EYS: variants seen among roughly 807,000 people sequenced by gnomAD.
The protein encoded by EYS is protein eyes shut homolog.
Under a neutral mutation model 282.1 loss-of-function variants are expected in EYS, and 250 were observed. That is an observed-to-expected ratio of 0.89 (90% CI 0.80 to 0.98). The LOEUF (loss-of-function observed/expected upper bound fraction) is 0.98, where lower values mean the gene tolerates loss of function less well. Ranked by LOEUF, EYS falls within the 50% of genes least tolerant of loss-of-function variation. The pLI is 0.00. For synonymous variants in EYS, 1,355 were observed against 1,282.9 expected (o/e 1.06, Z -1.20); for missense variants, 4,016 against 3,709.0 (o/e 1.08, Z -2.15).
At chr6:64,497,813 A>C (rs1192156469) in intron 26 of EYS, among the ~76,000 whole-genome samples, 1 of 152,166 alleles carries the variant, frequency 6.6e-6, no homozygotes, top group Non-Finnish European at 1.5e-5. Flanking sequence ...AATCTTGGTA[A>C]CTATCTTGAC....
At chr6:65,152,350 C>G (rs1327259469) in intron 12 of EYS, among the ~76,000 whole-genome samples, 1 of 151,898 alleles carries the variant, frequency 6.6e-6, no homozygotes, top group African/African-American at 2.4e-5. Flanking sequence ...GCTCTAACCC[C>G]TAGTACCTCA....
chr6:64,947,910 C>A (rs1769344818), intron 14 of EYS, among the ~76,000 whole-genome samples: 1 of 151,628 alleles, frequency 6.6e-6, no homozygotes, highest in Non-Finnish European at 1.5e-5. Flanking sequence ...TATGTAAAGA[C>A]AAATGCATAA....
intron 12 of EYS, among the ~76,000 whole-genome samples, chr6:65,254,799 G>C (rs1767416602): frequency 6.6e-6 from 1 of 151,772 alleles, no homozygotes; most frequent in Non-Finnish European, 1.5e-5. Context: ...AATTTAAAAT[G>C]ATACACAAAA....
chr6:64,503,248 C>T (rs1777108127), intron 26 of EYS, among the ~76,000 whole-genome samples: 1 of 152,132 alleles, frequency 6.6e-6, no homozygotes, highest in South Asian at 2.1e-4. Context: ...CTGGCAGGTA[C>T]ACTAGCCAGT....
At chr6:64,195,455 A>G (rs1765256208) in intron 31 of EYS, among the ~76,000 whole-genome samples, 1 of 152,146 alleles carries the variant, frequency 6.6e-6, no homozygotes, top group South Asian at 2.1e-4. Context: ...GGCACGTGCC[A>G]CCATGCCCTG....
intron 24 of EYS, among the ~76,000 whole-genome samples, chr6:64,602,085 TCTGACTA>T (rs1175001784): frequency 6.6e-6 from 1 of 152,082 alleles, no homozygotes. Flanking sequence ...TTCTTTTCCT[TCTGACTA>T]CTATAGTTTG....
chr6:65,230,119 C>T (rs920934136), intron 12 of EYS, among the ~76,000 whole-genome samples: 2 of 151,880 alleles, frequency 1.3e-5, no homozygotes, highest in African/African-American at 4.8e-5. Context: ...TAGAATCCAT[C>T]ACAGACAGCT....
At chr6:65,141,447 C>A (rs1284189681) in intron 12 of EYS, among the ~76,000 whole-genome samples, 1 of 151,780 alleles carries the variant, frequency 6.6e-6, no homozygotes, top group South Asian at 2.1e-4. Context: ...ACATATGTAA[C>A]TAACCTGCAC....
At chr6:65,593,539 G>A (rs541058949) in intron 2 of EYS, among the ~76,000 whole-genome samples, 1 of 151,858 alleles carries the variant, frequency 6.6e-6, no homozygotes, top group Non-Finnish European at 1.5e-5. Flanking sequence ...AATTGGATGG[G>A]GCCAGAATGT....
At chr6:64,533,729 T>C (rs1212169363) in intron 26 of EYS, among the ~76,000 whole-genome samples, 2 of 151,734 alleles carry the variant, frequency 1.3e-5, no homozygotes, top group Non-Finnish European at 2.9e-5. Context: ...CAGACAAAAA[T>C]CCAGAACTCC....
At chr6:64,496,421 T>G (rs1164996993) in intron 26 of EYS, among the ~76,000 whole-genome samples, 1 of 152,022 alleles carries the variant, frequency 6.6e-6, no homozygotes, top group Non-Finnish European at 1.5e-5. Context: ...TAGTAGTTAA[T>G]TTTTAAGGCA....
intron 22 of EYS, among the ~76,000 whole-genome samples, chr6:64,705,494 A>AATCCAAAAAAT (rs1770972708): frequency 6.6e-6 from 1 of 152,038 alleles, no homozygotes; most frequent in Admixed American, 6.6e-5. Flanking sequence ...TTCATATGGA[A>AATCCAAAAAAT]CCAAAAAAAA....
intron 31 of EYS, among the ~76,000 whole-genome samples, chr6:64,200,114 G>A (rs1183161601): frequency 1.3e-5 from 2 of 152,148 alleles, no homozygotes; most frequent in East Asian, 3.8e-4. Flanking sequence ...CTATATGAGA[G>A]ACTGGAAAAG....
At chr6:63,734,679 G>A (rs183016200) in intron 41 of EYS, among the ~76,000 whole-genome samples, 51 of 152,224 alleles carry the variant, frequency 3.4e-4, no homozygotes, top group African/African-American at 1.2e-3. Flanking sequence ...TTTGTCCTGA[G>A]AAACTAGAAG....
intron 31 of EYS, among the ~76,000 whole-genome samples, chr6:64,182,870 G>A (rs1270086769): frequency 6.6e-6 from 1 of 152,018 alleles, no homozygotes; most frequent in Admixed American, 6.5e-5. Flanking sequence ...CCTCTTTCCT[G>A]TCGCCTGGCT....
At chr6:64,926,441 C>G (rs530446998) in intron 15 of EYS, among the ~76,000 whole-genome samples, 1 of 152,270 alleles carries the variant, frequency 6.6e-6, no homozygotes, top group Admixed American at 6.5e-5. Context: ...AGGGCTGTTC[C>G]TGCTCATAGA....
chr6:64,892,683 A>C (rs948404428), intron 18 of EYS, among the ~76,000 whole-genome samples: 6 of 152,018 alleles, frequency 3.9e-5, no homozygotes, highest in African/African-American at 1.4e-4. Context: ...ATATGTCTAC[A>C]TTATTTATCA....
chr6:64,827,067 A>G (rs1765082701), intron 19 of EYS, among the ~76,000 whole-genome samples: 1 of 151,834 alleles, frequency 6.6e-6, no homozygotes, highest in South Asian at 2.1e-4. Flanking sequence ...CCCAAATCTG[A>G]ATCTCTGAGA....
rs148258983 is a variant in EYS, at chr6:64,843,226, G to C, written c.2993-20404C>G. 1.8e-3 allele frequency among the ~76,000 whole-genome samples: 278 copies of C among 152,208 alleles called. 1 individual carries two copies. Among genetic ancestry groups the C allele is most frequent in the African/African-American group, 6.2e-3 (257 of 41,538 alleles). On this transcript the variant is annotated intron_variant, in intron 19 of 42. Transcript: ENST00000503581. ...ACCTCTGCTAGGGCATTGTGGGAGG[G>C]AAATGTGGGGTTGGACCCCCCACAC...
Sources: gnomAD v4.1 joint callset for allele counts (sites outside exome capture counted in the v4.1 genomes callset) on GRCh38, gnomAD v4.1.1 for gene constraint, MANE v1.5 for transcripts, NCBI Gene and HGNC (gene_info 2026-07-23, HGNC 2026-07-21) for gene names.